Variants in ATP6V0A1 observed in about 807,000 individuals in gnomAD.
ATP6V0A1 encodes V-type proton ATPase 116 kDa subunit a 1.
Under a neutral mutation model 105.4 loss-of-function variants are expected in ATP6V0A1, and 43 were observed. The observed-to-expected ratio is 0.41, with a 90% CI of 0.32 to 0.53. ATP6V0A1 has a LOEUF of 0.53. Among genes scored for constraint, ATP6V0A1 ranks in the 20% least tolerant of loss-of-function variants. The probability of loss-of-function intolerance (pLI) is 0.30; values close to 1 mark genes in which losing one functional copy is unlikely to be tolerated. For missense variants in ATP6V0A1, 676 were observed against 1,051.1 expected (o/e 0.64, Z 4.93); for synonymous variants, 362 against 372.8 (o/e 0.97, Z 0.33).
intron 19 of ATP6V0A1, among the ~76,000 whole-genome samples, chr17:42,509,497 G>A (rs2092236551): frequency 6.6e-6 from 1 of 152,190 alleles, no homozygotes; most frequent in South Asian, 2.1e-4. Context: ...GCTGTTCTGT[G>A]TAAACACAGG....
chr17:42,495,530 G>C, intron 13 of ATP6V0A1, 96 bp from the exon 14 acceptor site: 1 of 938,102 alleles, frequency 1.1e-6, no homozygotes, highest in Non-Finnish European at 1.7e-6. Context: ...GAAGAGACAA[G>C]ATAGCTACAG....
intron 4 of ATP6V0A1, among the ~76,000 whole-genome samples, chr17:42,468,609 C>T (rs1256146416): frequency 6.6e-6 from 1 of 152,172 alleles, no homozygotes; most frequent in Non-Finnish European, 1.5e-5. Flanking sequence ...ACTTTTTTAG[C>T]TCCCACATAT....
rs775276174 is a variant in ATP6V0A1, at chr17:42,495,168, G to A, written c.1449G>A (p.Pro483=). Residue 483 remains proline, a synonymous_variant, in exon 13 of 22, where the codon CCG becomes CCA. Transcript: ENST00000343619. ...TTGGGTCATCCTGGAGTGTACGGCC[G>A]ATGTTTACTTATAATTGGACGTAAG... ...NIFGSSWSVR[P]MFTYNWTEET... is the part of the protein sequence containing the mutation. 8 of 1,613,886 alleles carry A rather than the reference G, an allele frequency of 5.0e-6. No homozygotes were observed. The Admixed American group carries it at 1.0e-4, about 20-fold the overall frequency.
intron 5 of ATP6V0A1, among the ~76,000 whole-genome samples, chr17:42,471,955 G>T (rs764448126): frequency 6.6e-6 from 1 of 151,972 alleles, no homozygotes; most frequent in Non-Finnish European, 1.5e-5. Context: ...ACACTTTAGG[G>T]ATTGTTACAG....
At chr17:42,485,827 G>C (rs1226343873) in intron 9 of ATP6V0A1, among the ~76,000 whole-genome samples, 1 of 152,204 alleles carries the variant, frequency 6.6e-6, no homozygotes, top group Non-Finnish European at 1.5e-5. Context: ...AAAGTGCTGG[G>C]ATTACAGGAG....
intron 21 of ATP6V0A1, chr17:42,520,784 A>C (rs2092811386): frequency 9.9e-6 from 5 of 506,584 alleles, no homozygotes; most frequent in Non-Finnish European, 1.8e-5. Context: ...GTGCATAAAC[A>C]CACTGCTCGG....
rs1274583483 is a variant in ATP6V0A1 at position 42,494,410 on chromosome 17, C to A, written c.1251C>A (p.Thr417=). 6.2e-7 allele frequency: 1 copy of A among 1,613,322 alleles called. No individual in the cohort carries two copies. The highest frequency in any genetic ancestry group is 8.5e-7 in the Non-Finnish European group (1 of 1,179,592). ...ACTTCGGTCATGGCATTTTAATGACCCTTTTTGCTGTGTGGATGGTACTGA... is the reference window on the plus strand; with the variant it reads ...ACTTCGGTCATGGCATTTTAATGACACTTTTTGCTGTGTGGATGGTACTGA... ...FGDFGHGILM[T]LFAVWMVLRE... The change falls in exon 12 of 22, where the codon ACC becomes ACA. Residue 417 remains threonine (T), a synonymous_variant. Coordinates refer to ENST00000343619, the MANE Select transcript of ATP6V0A1 (RefSeq NM_001130021.3).
At chr17:42,470,402 G>T in intron 5 of ATP6V0A1, 184 bp downstream of exon 5, 2 of 652,026 alleles carry the variant, frequency 3.1e-6, no homozygotes, top group Non-Finnish European at 4.9e-6. Context: ...AACCAGCCAT[G>T]GTTTTGCATT....
intron 17 of ATP6V0A1, among the ~76,000 whole-genome samples, chr17:42,501,575 T>C (rs2091673220): frequency 6.6e-6 from 1 of 151,948 alleles, no homozygotes; most frequent in Non-Finnish European, 1.5e-5. Context: ...CCACCACACC[T>C]GGCTAATTCT....
At position 42,521,247 on chromosome 17, in the gene ATP6V0A1, T is replaced by A; in HGVS notation, c.*127T>A. 1 of 798,258 alleles carries A rather than the reference T, an allele frequency of 1.3e-6. No homozygotes were observed. The highest frequency in any genetic ancestry group is 1.9e-6 in the Non-Finnish European group (1 of 515,658). The allele number at this position is 798,258 out of a possible 1,614,324, so 49.4% of individuals were successfully genotyped here. On this transcript the variant is annotated 3_prime_UTR_variant, in exon 22 of 22. Transcript: ENST00000343619. The surrounding 1 kb of genome is among the most constrained non-coding windows in gnomAD (Gnocchi z 4.8). ...TCATTCGTGTCACCCTGTCTGTGAG[T>A]CATTTAGATAGAATAGTCCTCCTTG...
intron 9 of ATP6V0A1, among the ~76,000 whole-genome samples, chr17:42,485,373 A>ATT (rs1401264981): frequency 6.6e-6 from 1 of 152,244 alleles, no homozygotes; most frequent in Admixed American, 6.5e-5. Context: ...GGTAGTCATT[A>ATT]TAACTGACCA....
intron 5 of ATP6V0A1, among the ~76,000 whole-genome samples, chr17:42,476,062 A>G (rs1184378785): frequency 6.6e-6 from 1 of 152,206 alleles, no homozygotes; most frequent in Non-Finnish European, 1.5e-5. Context: ...ACCAAGAACA[A>G]GTTGAAATGT....
Position 42,522,491 on chromosome 17 carries a change from G to GGGTTTGAA in ATP6V0A1, c.*1373_*1380dup, listed in dbSNP as rs1368026689. The stretch of plus-strand genomic sequence containing the variant: ...GATGATCTTTGCTCTGTTTCCAGTG[G>GGGTTTGAA]GGTTTGAAGCAGAGTTCAGGGAACC... On this transcript the variant is annotated 3_prime_UTR_variant, in exon 22 of 22. Transcript: ENST00000343619. 6.5e-6 allele frequency: 1 copy of GGGTTTGAA among 152,694 alleles called. No homozygotes were observed. Among genetic ancestry groups the GGGTTTGAA allele is most frequent in the East Asian group, 1.9e-4 (1 of 5,332 alleles). 9.5% of individuals were successfully genotyped at this position (152,694 alleles called of 1,614,324 possible).
chr17:42,513,812 C>T lies in ATP6V0A1; in HGVS notation c.2131-49C>T, dbSNP rs750691362. On this transcript the variant is annotated intron_variant, in intron 19 of 21. Transcript: ENST00000343619. ...GTAGCCACAACTCAGAATGCCTGCACGTTCCCCTCCTAGCCTTATATCTTC... is the reference window on the plus strand; with the variant it reads ...GTAGCCACAACTCAGAATGCCTGCATGTTCCCCTCCTAGCCTTATATCTTC... 5.2e-6 allele frequency: 8 copies of T among 1,551,932 alleles called. No individual in the cohort carries two copies. In the East Asian group the frequency reaches 6.7e-5, roughly 13 times the overall value.
intron 12 of ATP6V0A1, 149 bp downstream of exon 12, chr17:42,494,622 G>A: frequency 1.0e-6 from 1 of 985,978 alleles, no homozygotes; most frequent in Non-Finnish European, 1.4e-6. Context: ...AAGACGACAT[G>A]TGCAAGCTGG....
At chr17:42,495,000 T>A (rs1257134077) in intron 12 of ATP6V0A1, 34 bp from the exon 13 acceptor site, 2 of 1,602,408 alleles carry the variant, frequency 1.2e-6, no homozygotes, top group South Asian at 2.2e-5. Flanking sequence ...CTGCAGTGAG[T>A]ACATTCTCAT....
chr17:42,495,433 G>T (rs2091064658), intron 13 of ATP6V0A1, among the ~76,000 whole-genome samples, 193 bp from the exon 14 acceptor site: 1 of 151,200 alleles, frequency 6.6e-6, no homozygotes, highest in South Asian at 2.1e-4. Flanking sequence ...TTGTGTGTTT[G>T]TGTGTTTAAT....
intron 6 of ATP6V0A1, among the ~76,000 whole-genome samples, chr17:42,478,155 G>A (rs2088994995): frequency 7.3e-6 from 1 of 137,036 alleles, no homozygotes; most frequent in Admixed American, 8.5e-5. Flanking sequence ...GGTGGAAATT[G>A]AACAATGAGA....
intron 7 of ATP6V0A1, chr17:42,480,173 G>A (rs536749154): frequency 6.6e-6 from 1 of 152,220 alleles, no homozygotes; most frequent in South Asian, 2.1e-4. Flanking sequence ...ATTTGGAATG[G>A]ATTACCTTCC....
Sources: gnomAD v4.1 joint callset for allele counts (sites outside exome capture counted in the v4.1 genomes callset) on GRCh38, gnomAD v4.1.1 for gene constraint, Gnocchi (gnomAD v3.1) non-coding constraint, MANE v1.5 for transcripts, NCBI Gene and HGNC (gene_info 2026-07-23, HGNC 2026-07-21) for gene names.